ID4: variants seen among roughly 807,000 people sequenced by gnomAD.
ID4 encodes the protein DNA-binding protein inhibitor ID-4.
In ID4, 9 loss-of-function variants were observed where a neutral mutation model predicts 8.6. The observed-to-expected ratio is 1.04, with a 90% CI of 0.63 to 1.82. The LOEUF (loss-of-function observed/expected upper bound fraction) is 1.82. ID4 is among the 40% of genes most tolerant of loss of function. The pLI is 0.00. For missense variants in ID4, 270 were observed against 235.1 expected (o/e 1.15, Z -0.97); for synonymous variants, 180 against 118.0 (o/e 1.53, Z -3.41).
rs1261039329 is a variant in ID4, at chr6:19,838,107, C to A, written c.353C>A (p.Pro118Gln). 1.9e-6 allele frequency: 3 copies of A among 1,592,088 alleles called. No individual in the cohort carries two copies. Among genetic ancestry groups the A allele is most frequent in the Non-Finnish European group, 2.6e-6 (3 of 1,170,346 alleles). ...LETHPALLRQ[P>Q]PPPAPPHHPA... ...ACGCACCCGGCCCTGCTGAGGCAGC[C>A]ACCACCGCCCGCGCCGCCACACCAC... The change falls in exon 1 of 3, where the codon CCA (proline) becomes CAA (glutamine). Residue 118 changes from proline (P) to glutamine (Q), a missense_variant. By Grantham distance (76) the Pro-to-Gln change is moderately conservative (BLOSUM62 -1). Around this residue, in one of 3 missense-constraint regions of ID4, gnomAD observed 107 missense variants for 81.0 expected, o/e 1.32. Transcript: ENST00000378700.
chr6:19,837,874 C>G lies in ID4; in HGVS notation c.120C>G (p.Ala40=), dbSNP rs959291865. Residue 40 remains alanine, a synonymous_variant, in exon 1 of 3, where the codon GCC becomes GCG. Transcript: ENST00000378700. ...EHGHSLGGSA[A]AAAAAAAARC... ...GCCACAGCCTGGGTGGCTCCGCAGC[C>G]GCGGCGGCGGCGGCGGCGGCAGCGC... The G allele has an allele frequency of 3.9e-6, 5 of 1,277,130 alleles. No homozygotes were observed. The highest frequency in any genetic ancestry group is 8.9e-5 in the Admixed American group (2 of 22,580). 79.1% of individuals were successfully genotyped at this position (1,277,130 alleles called of 1,614,324 possible).
At position 19,837,831 on chromosome 6, in the gene ID4, G is replaced by C; in HGVS notation, c.77G>C (p.Arg26Pro). 1 of 1,156,060 alleles carries C rather than the reference G, an allele frequency of 8.7e-7. No homozygotes were observed. Among genetic ancestry groups the C allele is most frequent in the Non-Finnish European group, 1.1e-6 (1 of 939,280 alleles). 71.6% of individuals were successfully genotyped at this position (1,156,060 alleles called of 1,614,324 possible). A position where few individuals can be genotyped will look rare whatever the true frequency, so the allele number is the denominator to read the frequency against. Residue 26 changes from arginine (R) to proline (P), a missense_variant, in exon 1 of 3, where the codon CGC becomes CCC. Arg to Pro is a moderately radical substitution (Grantham distance 103). This residue lies in a region of ID4 where 160 missense variants were observed against 131.5 expected (regional missense o/e 1.22). Coordinates refer to ENST00000378700, the MANE Select transcript of ID4 (RefSeq NM_001546.4). ...TGCGGCGGCGGGGAGCTGGCGCTGC[G>C]CTGCCTGGCCGAGCACGGCCACAGC... ...SGCGGGELAL[R>P]CLAEHGHSLG...
Position 19,838,442 on chromosome 6 carries a change from G to A in ID4, c.442-142G>A, listed in dbSNP as rs979549538. 11 of 1,196,524 alleles carry A rather than the reference G, an allele frequency of 9.2e-6. No individual in the cohort carries two copies. In the East Asian group the frequency reaches 2.8e-4, roughly 31 times the overall value. The allele number at this position is 1,196,524 out of a possible 1,614,324, so 74.1% of individuals were successfully genotyped here. Reference sequence around the variant, plus strand: ...CGCCCTGGGCTGTCAAGTCCCGCCTGAGCCCGGAGGGGCCCCCCCGGCTAC... The same window carrying A: ...CGCCCTGGGCTGTCAAGTCCCGCCTAAGCCCGGAGGGGCCCCCCCGGCTAC... On this transcript the variant is annotated intron_variant, in intron 1 of 2. Coordinates refer to ENST00000378700, the MANE Select transcript of ID4 (RefSeq NM_001546.4).
chr6:19,840,274 T>C lies in ID4; in HGVS notation c.*1079T>C, dbSNP rs1021816087. On this transcript the variant is annotated 3_prime_UTR_variant, in exon 3 of 3. Transcript: ENST00000378700. ...AAGGAGTTTACGAAATCTGCTGTTT[T>C]ATCAAAGTGAAAAAAAATTGCTTAT... 1.3e-5 allele frequency: 2 copies of C among 152,592 alleles called. No homozygotes were observed. The highest frequency in any genetic ancestry group is 3.9e-4 in the East Asian group (2 of 5,192). 9.5% of individuals were successfully genotyped at this position (152,592 alleles called of 1,614,324 possible).
rs1237911163 is a variant in ID4, at chr6:19,837,959, A to G, written c.205A>G (p.Asn69Asp). ...GGCGCTGTGCCTGCAGTGCGATATG[A>G]ACGACTGCTATAGCCGCCTGCGGAG... Reference protein sequence around the residue: ...EPALCLQCDMNDCYSRLRRLV... With the variant: ...EPALCLQCDMDDCYSRLRRLV... Residue 69 changes from asparagine to aspartate, a missense_variant, in exon 1 of 3, where the codon AAC becomes GAC. Asn to Asp is a conservative substitution (Grantham distance 23, BLOSUM62 1). Transcript: ENST00000378700. 3.8e-6 allele frequency: 6 copies of G among 1,561,232 alleles called. No individual in the cohort carries two copies. The highest frequency in any genetic ancestry group is 4.3e-6 in the Non-Finnish European group (5 of 1,154,364).
chr6:19,838,858 C>T (rs1761292791), intron 2 of ID4: 9 of 566,048 alleles, frequency 1.6e-5, no homozygotes, highest in East Asian at 9.3e-5. Flanking sequence ...ACGGGTCAGC[C>T]CTTGTCCCCG....
chr6:19,839,027 C>T (rs111360897), intron 2 of ID4, 183 bp from the exon 3 acceptor site: 7 of 213,618 alleles, frequency 3.3e-5, no homozygotes, highest in South Asian at 9.4e-5. Context: ...TGGGTCCCCT[C>T]TCCGGGCTTC....
Position 19,838,581 on chromosome 6 carries a change from C to T in ID4, c.442-3C>T, listed in dbSNP as rs1761282716. ...TTCCCTTGGTGTTCGGTTGCTGTTCCAGGCCGGCGCGGTGAACAAGCAGGG... is the reference window on the plus strand; with the variant it reads ...TTCCCTTGGTGTTCGGTTGCTGTTCTAGGCCGGCGCGGTGAACAAGCAGGG... On this transcript the variant is annotated splice_region_variant and splice_polypyrimidine_tract_variant and intron_variant, in intron 1 of 2. Transcript: ENST00000378700. 1 of 1,613,986 alleles carries T rather than the reference C, an allele frequency of 6.2e-7. No individual in the cohort carries two copies. Among genetic ancestry groups the T allele is most frequent in the South Asian group, 1.1e-5 (1 of 91,084 alleles).
At position 19,840,543 on chromosome 6, in the gene ID4, C is replaced by T. The variant is rs763947955; in HGVS notation, c.*1348C>T. The T allele has an allele frequency of 6.6e-6, 1 of 152,422 alleles. No individual in the cohort carries two copies. The highest frequency in any genetic ancestry group is 6.5e-5 in the Admixed American group (1 of 15,270). 9.4% of individuals were successfully genotyped at this position (152,422 alleles called of 1,614,324 possible). On this transcript the variant is annotated 3_prime_UTR_variant, in exon 3 of 3. Coordinates refer to ENST00000378700, the MANE Select transcript of ID4 (RefSeq NM_001546.4). ...TCTTCAAACATTAACTTAAGCAGACCAAAAATTCTGATGACCGCATCTAGA... is the reference window on the plus strand; with the variant it reads ...TCTTCAAACATTAACTTAAGCAGACTAAAAATTCTGATGACCGCATCTAGA...
At chr6:19,838,766 G>A in intron 2 of ID4, 124 bp downstream of exon 2, 1 of 755,206 alleles carries the variant, frequency 1.3e-6, no homozygotes, top group Non-Finnish European at 2.2e-6. Context: ...TCCCAAGGAA[G>A]TAAATCCCCT....
Position 19,839,783 on chromosome 6 carries a change from C to T in ID4, c.*588C>T, listed in dbSNP as rs558479253. ...GAGAAAGTATATGCTTTAATAGATA[C>T]TGTAATTATAAGATATTTTTAATTA... is the stretch of plus-strand genomic sequence containing the variant. On this transcript the variant is annotated 3_prime_UTR_variant, in exon 3 of 3. Transcript: ENST00000378700. The T allele has an allele frequency of 2.6e-5, 4 of 152,236 alleles. No individual in the cohort carries two copies. The highest frequency in any genetic ancestry group is 1.9e-4 in the East Asian group (1 of 5,166). 9.4% of individuals were successfully genotyped at this position (152,236 alleles called of 1,614,324 possible).
chr6:19,838,642 G>C lies in ID4; in HGVS notation c.*14G>C, dbSNP rs762211637. Reference sequence around the variant, plus strand: ...CTGTGCCGCTGAGCCGCGCTGTCCAGGTGAGCGCGCATTTCCCGTCTCGGG... The same window carrying C: ...CTGTGCCGCTGAGCCGCGCTGTCCACGTGAGCGCGCATTTCCCGTCTCGGG... On this transcript the variant is annotated splice_region_variant and 3_prime_UTR_variant, in exon 2 of 3. Coordinates refer to ENST00000378700, the MANE Select transcript of ID4 (RefSeq NM_001546.4). 1 of 1,613,560 alleles carries C rather than the reference G, an allele frequency of 6.2e-7. No individual in the cohort carries two copies. The highest frequency in any genetic ancestry group is 8.5e-7 in the Non-Finnish European group (1 of 1,179,674).
Position 19,840,843 on chromosome 6 carries a change from A to G in ID4, c.*1648A>G, listed in dbSNP as rs558937767. Among the ~76,000 whole-genome samples, 7 of 152,326 alleles carry G rather than the reference A, an allele frequency of 4.6e-5. No individual in the cohort carries two copies. The highest frequency in any genetic ancestry group is 1.3e-4 in the Admixed American group (2 of 15,306). On this transcript the variant is annotated 3_prime_UTR_variant, in exon 3 of 3. Coordinates refer to ENST00000378700, the MANE Select transcript of ID4 (RefSeq NM_001546.4). The stretch of plus-strand genomic sequence containing the variant: ...GTTATGGGTACTTTACACACAAGTT[A>G]GATGGAATTTTTAGAGTGAAAGAAT...
At chr6:19,838,439 C>T (rs1761277443) in intron 1 of ID4, 145 bp from the exon 2 acceptor site, 9 of 1,178,878 alleles carry the variant, frequency 7.6e-6, no homozygotes, top group African/African-American at 1.5e-5. Flanking sequence ...TCAAGTCCCG[C>T]CTGAGCCCGG....
chr6:19,837,737 G>A lies in ID4; in HGVS notation c.-18G>A. On this transcript the variant is annotated 5_prime_UTR_variant, in exon 1 of 3. Transcript: ENST00000378700. ...TCGCCCCAGCGGGTTCGCTCGCGTA[G>A]AGCGCAGGGCGCGCGCGATGAAGGC... is the stretch of plus-strand genomic sequence containing the variant. 2.7e-6 allele frequency: 3 copies of A among 1,123,632 alleles called. No homozygotes were observed. Among genetic ancestry groups the A allele is most frequent in the Non-Finnish European group, 3.3e-6 (3 of 918,684 alleles). The allele number at this position is 1,123,632 out of a possible 1,614,324, so 69.6% of individuals were successfully genotyped here. A position where few individuals can be genotyped will look rare whatever the true frequency, so the allele number is the denominator to read the frequency against.
At position 19,837,738 on chromosome 6, in the gene ID4, A is replaced by G. The variant is rs12662234; in HGVS notation, c.-17A>G. The G allele has an allele frequency of 0.32, 352,905 of 1,119,054 alleles. 56,729 individuals carry two copies. Among genetic ancestry groups the G allele is most frequent in the African/African-American group, 0.47 (27,919 of 59,838 alleles). 69.3% of individuals were successfully genotyped at this position (1,119,054 alleles called of 1,614,324 possible). ...CGCCCCAGCGGGTTCGCTCGCGTAGAGCGCAGGGCGCGCGCGATGAAGGCG... is the reference window on the plus strand; with the variant it reads ...CGCCCCAGCGGGTTCGCTCGCGTAGGGCGCAGGGCGCGCGCGATGAAGGCG... On this transcript the variant is annotated 5_prime_UTR_variant, in exon 1 of 3. Coordinates refer to ENST00000378700, the MANE Select transcript of ID4 (RefSeq NM_001546.4).
chr6:19,838,318 CCCCCTG>C (rs1374672738), intron 1 of ID4, 123 bp downstream of exon 1: 1 of 1,043,414 alleles, frequency 9.6e-7, no homozygotes, highest in African/African-American at 1.7e-5. Flanking sequence ...ACAGCCCCCT[CCCCCTG>C]CTCCTCCGGG....
rs146230504 is a variant in ID4 at position 19,841,074 on chromosome 6, C to A, written c.*1879C>A. On this transcript the variant is annotated 3_prime_UTR_variant, in exon 3 of 3. Transcript: ENST00000378700. The stretch of plus-strand genomic sequence containing the variant: ...TAGTAGTCAGTTGAAGTGGCAATGT[C>A]TAAACAGAAATGAACAAAACTAATG... Among the ~76,000 whole-genome samples, 73 of 152,218 alleles carry A rather than the reference C, an allele frequency of 4.8e-4. No homozygotes were observed. The highest frequency in any genetic ancestry group is 1.3e-3 in the Admixed American group (20 of 15,300).
rs951453482 is a variant in ID4, at chr6:19,839,627, A to C, written c.*432A>C. ...AGAGCATTGTAGATATTTTTTTTTT[A>C]CATCTATTGTTTAAAATAGATGATT... On this transcript the variant is annotated 3_prime_UTR_variant, in exon 3 of 3. Transcript: ENST00000378700. 1 of 151,516 alleles carries C rather than the reference A, an allele frequency of 6.6e-6. No homozygotes were observed. Among genetic ancestry groups the C allele is most frequent in the African/African-American group, 2.4e-5 (1 of 41,154 alleles). 9.4% of individuals were successfully genotyped at this position (151,516 alleles called of 1,614,324 possible). A position where few individuals can be genotyped will look rare whatever the true frequency, so the allele number is the denominator to read the frequency against.
Sources: gnomAD v4.1 joint callset for allele counts (sites outside exome capture counted in the v4.1 genomes callset) on GRCh38, gnomAD v4.1.1 for gene constraint, gnomAD v4.1.1 regional missense constraint, MANE v1.5 for transcripts, NCBI Gene and HGNC (gene_info 2026-07-23, HGNC 2026-07-21) for gene names.